Variants in ADK observed in about 807,000 individuals in gnomAD.
ADK encodes the protein adenosine kinase.
In ADK, 24 loss-of-function variants were observed where a neutral mutation model predicts 44.7. The ratio of observed to expected loss-of-function variants is 0.54; its 90% CI spans 0.39 to 0.76. The LOEUF is 0.76. ADK is among the 30% of genes least tolerant of loss of function. ADK has a pLI of 0.00. For synonymous variants in ADK, 128 were observed against 142.6 expected, an observed-to-expected ratio of 0.90 and a Z score of 0.73; for missense variants, 321 against 425.1, an observed-to-expected ratio of 0.76 and a Z score of 2.15.
At chr10:74,376,452 G>A (rs369782510) in intron 4 of ADK, among the ~76,000 whole-genome samples, 84 of 152,022 alleles carry the variant, frequency 5.5e-4, no homozygotes, top group African/African-American at 1.5e-3. Context: ...TGAGCTCCAC[G>A]TTTCTATTCT....
intron 2 of ADK, among the ~76,000 whole-genome samples, chr10:74,217,112 T>G (rs992378166): frequency 5.9e-5 from 9 of 152,334 alleles, no homozygotes; most frequent in Middle Eastern, 3.4e-3. Context: ...TTCCCTTTCC[T>G]AGTCAAAGAA....
At chr10:74,474,124 A>AT (rs113946112) in intron 6 of ADK, among the ~76,000 whole-genome samples, 6 of 150,440 alleles carry the variant, frequency 4.0e-5, no homozygotes, top group African/African-American at 1.5e-4. Flanking sequence ...ATATTCTTTA[A>AT]TTTTTTTTTC....
At chr10:74,532,079 T>C (rs1026688085) in intron 7 of ADK, among the ~76,000 whole-genome samples, 1 of 152,206 alleles carries the variant, frequency 6.6e-6, no homozygotes, top group African/African-American at 2.4e-5. Flanking sequence ...TCATCATGAC[T>C]AGGAGTGTAG....
intron 4 of ADK, among the ~76,000 whole-genome samples, chr10:74,383,155 T>C (rs1422932546): frequency 2.0e-5 from 3 of 152,074 alleles, no homozygotes; most frequent in African/African-American, 7.2e-5. Flanking sequence ...ATAATTAAAA[T>C]TTACTTTCTG....
chr10:74,362,482 A>G (rs1842367559), intron 4 of ADK, among the ~76,000 whole-genome samples: 2 of 151,558 alleles, frequency 1.3e-5, no homozygotes, highest in South Asian at 4.2e-4. Flanking sequence ...AAGTTCTTTG[A>G]GCTGTCTTCA....
chr10:74,182,737 G>A (rs935806909), intron 1 of ADK, among the ~76,000 whole-genome samples: 3 of 152,088 alleles, frequency 2.0e-5, no homozygotes, highest in Admixed American at 1.3e-4. Flanking sequence ...TTTGAAAAAA[G>A]CGTACAAGGT....
At chr10:74,657,587 G>A (rs1854533448) in intron 9 of ADK, among the ~76,000 whole-genome samples, 2 of 152,132 alleles carry the variant, frequency 1.3e-5, no homozygotes. Context: ...TGTATAGTGA[G>A]TTCATACTGT....
At chr10:74,428,433 C>T (rs1344991391) in intron 6 of ADK, among the ~76,000 whole-genome samples, 1 of 152,106 alleles carries the variant, frequency 6.6e-6, no homozygotes, top group Admixed American at 6.5e-5. Flanking sequence ...TTGAAGAGTT[C>T]CCCACTGGTC....
intron 7 of ADK, among the ~76,000 whole-genome samples, chr10:74,567,078 A>G (rs1211034662): frequency 6.6e-6 from 1 of 152,162 alleles, no homozygotes; most frequent in Non-Finnish European, 1.5e-5. Context: ...ACTAGGGGTA[A>G]AGTAAGAGGC....
At position 74,611,357 on chromosome 10, in the gene ADK, A is replaced by G. The variant is rs937818180; in HGVS notation, c.877+10864A>G. Among the ~76,000 whole-genome samples the G allele has an allele frequency of 2.6e-5, 4 of 152,164 alleles. No homozygotes were observed. The South Asian group carries it at 8.3e-4, about 32-fold the overall frequency. On this transcript the variant is annotated intron_variant, in intron 9 of 10. Transcript: ENST00000539909. ...GCCTAAATTGTAGACTTTTCTGAAC[A>G]CTCAGAATTCTTATTTGAATTGTAA...
intron 4 of ADK, among the ~76,000 whole-genome samples, chr10:74,373,578 A>G (rs1360990704): frequency 6.6e-6 from 1 of 152,200 alleles, no homozygotes; most frequent in African/African-American, 2.4e-5. Context: ...GCTCAACATA[A>G]TTAGCTATCA....
chr10:74,688,067 T>C lies in ADK; in HGVS notation c.964+17798T>C, dbSNP rs184660822. On this transcript the variant is annotated intron_variant, in intron 10 of 10. Coordinates refer to ENST00000539909, the MANE Select transcript of ADK (RefSeq NM_006721.4). ...TGCTATGTTTGTATCTTTATTTCAT[T>C]CCATTTTCACCTTTGCCTGCATGAT... 3.4e-3 allele frequency among the ~76,000 whole-genome samples: 515 copies of C among 152,350 alleles called. 2 individuals are homozygous for C. The highest frequency in any genetic ancestry group is 0.012 in the African/African-American group (483 of 41,578).
intron 6 of ADK, among the ~76,000 whole-genome samples, chr10:74,498,782 C>T (rs1037737367): frequency 6.6e-6 from 1 of 152,048 alleles, no homozygotes; most frequent in Non-Finnish European, 1.5e-5. Context: ...ACACTATTCA[C>T]AATAGCAAAG....
At chr10:74,442,546 TG>T in intron 6 of ADK, among the ~76,000 whole-genome samples, 1 of 152,118 alleles carries the variant, frequency 6.6e-6, no homozygotes, top group Non-Finnish European at 1.5e-5. Context: ...CTTGGGAAGC[TG>T]CGGCAGGAGA....
intron 1 of ADK, chr10:74,176,617 G>A (rs1842347267): frequency 2.2e-6 from 3 of 1,395,332 alleles, no homozygotes; most frequent in Admixed American, 3.0e-5. Flanking sequence ...CCAGTGAGCT[G>A]GCACGAGACA....
intron 6 of ADK, among the ~76,000 whole-genome samples, chr10:74,417,033 CTGA>C (rs1227929229): frequency 2.0e-5 from 3 of 151,968 alleles, no homozygotes; most frequent in Admixed American, 2.0e-4. Context: ...CTAAAGTCAA[CTGA>C]TGTTTTCCTG....
At chr10:74,189,026 C>T (rs954164205) in intron 1 of ADK, among the ~76,000 whole-genome samples, 4 of 152,034 alleles carry the variant, frequency 2.6e-5, no homozygotes, top group African/African-American at 9.7e-5. Flanking sequence ...CCACCTTGGC[C>T]CCCCAAAGTG....
rs753135671 is a variant in ADK at position 74,224,522 on chromosome 10, C to A, written c.141-16C>A. The A allele has an allele frequency of 1.9e-6, 3 of 1,610,652 alleles. No homozygotes were observed. Among genetic ancestry groups the A allele is most frequent in the South Asian group, 1.1e-5 (1 of 90,912 alleles). On this transcript the variant is annotated splice_polypyrimidine_tract_variant and intron_variant, in intron 2 of 10. Transcript: ENST00000539909. ...GTGTGTGTATGAAGAGTGTAATTTT[C>A]GTTTCTGTTATACAGGTATTCTCTG...
At chr10:74,554,170 G>A (rs1243130069) in intron 7 of ADK, among the ~76,000 whole-genome samples, 3 of 152,030 alleles carry the variant, frequency 2.0e-5, no homozygotes, top group Admixed American at 6.5e-5. Flanking sequence ...TCCCATGAAA[G>A]GGTAATTATA....
Sources: allele counts gnomAD v4.1 joint callset (sites outside exome capture counted in the v4.1 genomes callset), GRCh38; gene constraint gnomAD v4.1.1; transcripts MANE v1.5; gene names NCBI Gene and HGNC (gene_info 2026-07-23, HGNC 2026-07-21).